Variants in SLC25A21 observed in about 807,000 individuals in gnomAD.
The protein encoded by SLC25A21 is mitochondrial 2-oxodicarboxylate carrier.
SLC25A21 carries 47 observed loss-of-function variants against 43.8 expected under a neutral mutation model. The observed-to-expected ratio is 1.07, with a 90% confidence interval of 0.85 to 1.37. The LOEUF is 1.37. Ranked by LOEUF, SLC25A21 falls within the 40% of genes most tolerant of loss-of-function variation. SLC25A21 has a pLI of 0.00. For missense variants in SLC25A21, 352 were observed against 350.2 expected, an observed-to-expected ratio of 1.00 and a Z score of -0.04; for synonymous variants, 131 against 121.3, an observed-to-expected ratio of 1.08 and a Z score of -0.52.
At chr14:36,722,456 T>C (rs2139207057) in intron 6 of SLC25A21, among the ~76,000 whole-genome samples, 1 of 152,308 alleles carries the variant, frequency 6.6e-6, no homozygotes, top group East Asian at 1.9e-4. Context: ...CATGTTAATG[T>C]AGGTTCATCA....
intron 1 of SLC25A21, among the ~76,000 whole-genome samples, chr14:36,888,900 A>T (rs1160949247): frequency 3.9e-5 from 6 of 152,216 alleles, no homozygotes; most frequent in Non-Finnish European, 7.3e-5. Context: ...AATCATATTC[A>T]TCTTGACAGA....
intron 2 of SLC25A21, among the ~76,000 whole-genome samples, chr14:36,857,926 TA>T (rs941956843): frequency 1.3e-5 from 2 of 152,198 alleles, no homozygotes; most frequent in Non-Finnish European, 2.9e-5. Context: ...TCGGGGGGAA[TA>T]TTTTTTTCAC....
intron 7 of SLC25A21, among the ~76,000 whole-genome samples, chr14:36,697,276 A>T (rs1229148221): frequency 1.3e-5 from 2 of 152,166 alleles, no homozygotes; most frequent in Non-Finnish European, 2.9e-5. Context: ...TCTGAGAGAC[A>T]GTTTGTTGTG....
At chr14:37,136,553 C>A (rs895411871) in intron 1 of SLC25A21, among the ~76,000 whole-genome samples, 2 of 152,222 alleles carry the variant, frequency 1.3e-5, no homozygotes, top group Non-Finnish European at 2.9e-5. Flanking sequence ...CAGGTATTCA[C>A]CCAAATGACT....
intron 1 of SLC25A21, among the ~76,000 whole-genome samples, chr14:37,010,638 G>T (rs1200906118): frequency 1.3e-5 from 2 of 152,068 alleles, no homozygotes; most frequent in Non-Finnish European, 2.9e-5. Flanking sequence ...TGAGCAAGAG[G>T]CCTTCCAGAC....
In SLC25A21 at chr14:36,872,512, C is replaced by T. The variant is rs148778540; in HGVS notation, c.119+2444G>A. The stretch of plus-strand genomic sequence containing the variant: ...ACTTGATGTCATCTCTCTGTTAGTG[C>T]CTAGGTGATAAATCCTATCAATCTT... On this transcript the variant is annotated intron_variant, in intron 2 of 9. Coordinates refer to ENST00000331299, the MANE Select transcript of SLC25A21 (RefSeq NM_030631.4). 2.1e-3 allele frequency among the ~76,000 whole-genome samples: 314 copies of T among 152,258 alleles called. 3 individuals are homozygous for T. The highest frequency in any genetic ancestry group is 6.9e-3 in the African/African-American group (285 of 41,554).
intron 3 of SLC25A21, among the ~76,000 whole-genome samples, chr14:36,797,983 A>G (rs1232576571): frequency 1.3e-5 from 2 of 152,214 alleles, no homozygotes; most frequent in African/African-American, 4.8e-5. Flanking sequence ...TTTAAATTAA[A>G]ACAAACACAC....
At chr14:36,962,967 G>A (rs528029966) in intron 1 of SLC25A21, among the ~76,000 whole-genome samples, 53 of 152,258 alleles carry the variant, frequency 3.5e-4, no homozygotes, top group African/African-American at 1.1e-3. Context: ...TTTCTTTTTG[G>A]TAGTGGGTTA....
intron 1 of SLC25A21, among the ~76,000 whole-genome samples, chr14:37,011,702 C>T (rs555032166): frequency 1.3e-5 from 2 of 152,276 alleles, no homozygotes; most frequent in South Asian, 4.1e-4. Context: ...CTGTTGCAAG[C>T]ATTTGATATA....
chr14:37,122,146 T>G (rs1447446022), intron 1 of SLC25A21, among the ~76,000 whole-genome samples: 1 of 152,252 alleles, frequency 6.6e-6, no homozygotes, highest in Non-Finnish European at 1.5e-5. Flanking sequence ...TAGAAACTTT[T>G]TTCTAAAGTG....
chr14:36,756,643 T>C (rs1207478261), intron 3 of SLC25A21, among the ~76,000 whole-genome samples: 1 of 152,186 alleles, frequency 6.6e-6, no homozygotes, highest in Non-Finnish European at 1.5e-5. Flanking sequence ...TTTTTGAAGC[T>C]TGGGCAATTT....
At chr14:36,839,398 CTTTAT>C (rs1255767943) in intron 2 of SLC25A21, among the ~76,000 whole-genome samples, 1 of 152,162 alleles carries the variant, frequency 6.6e-6, no homozygotes. Flanking sequence ...AAGTAATGGA[CTTTAT>C]TTTGACTGTT....
At chr14:36,693,003 C>T (rs952773925) in intron 7 of SLC25A21, among the ~76,000 whole-genome samples, 3 of 152,188 alleles carry the variant, frequency 2.0e-5, no homozygotes, top group Non-Finnish European at 2.9e-5. Context: ...TTCCCATGCC[C>T]TCTGTAGCAC....
intron 1 of SLC25A21, among the ~76,000 whole-genome samples, chr14:36,921,789 A>G (rs998591832): frequency 3.3e-5 from 5 of 152,112 alleles, no homozygotes; most frequent in African/African-American, 1.2e-4. Context: ...CTCAGGCTGA[A>G]TATTTATGAC....
chr14:36,933,562 T>C (rs1242929350), intron 1 of SLC25A21, among the ~76,000 whole-genome samples: 3 of 152,186 alleles, frequency 2.0e-5, no homozygotes, highest in Non-Finnish European at 2.9e-5. Context: ...TCAAAGAAGA[T>C]ACTTTCTCAA....
intron 1 of SLC25A21, among the ~76,000 whole-genome samples, chr14:37,087,393 T>C (rs557503469): frequency 6.6e-6 from 1 of 152,332 alleles, no homozygotes; most frequent in East Asian, 1.9e-4. Context: ...GTAAGAAAGT[T>C]GGGTTATCTG....
At chr14:37,163,294 TAATAAATAAATA>T in intron 1 of SLC25A21, among the ~76,000 whole-genome samples, 1 of 147,784 alleles carries the variant, frequency 6.8e-6, no homozygotes, top group African/African-American at 2.4e-5. Context: ...AGTATAATAA[TAATAAATAAATA>T]AATAAATAAA....
chr14:36,894,179 T>C (rs2138587205), intron 1 of SLC25A21, among the ~76,000 whole-genome samples: 1 of 152,324 alleles, frequency 6.6e-6, no homozygotes, highest in Middle Eastern at 3.4e-3. Context: ...AAGCATGGAA[T>C]GTTCTTCCAT....
At chr14:36,831,629 C>CTG (rs1330984670) in intron 2 of SLC25A21, among the ~76,000 whole-genome samples, 2 of 152,192 alleles carry the variant, frequency 1.3e-5, no homozygotes, top group Non-Finnish European at 2.9e-5. Flanking sequence ...ACTGACTGTA[C>CTG]AGTCCCACGT....
Sources: gnomAD v4.1 joint callset for allele counts (sites outside exome capture counted in the v4.1 genomes callset) on GRCh38, gnomAD v4.1.1 for gene constraint, MANE v1.5 for transcripts, NCBI Gene and HGNC (gene_info 2026-07-23, HGNC 2026-07-21) for gene names.